The following HIVEP3 variants were observed in gnomAD, a reference collection of about 807,000 sequenced individuals.
The protein encoded by HIVEP3 is transcription factor HIVEP3.
HIVEP3 carries 49 observed loss-of-function variants against 152.8 expected under a neutral mutation model. That is an observed-to-expected ratio of 0.32 (90% CI 0.26 to 0.41). The LOEUF (loss-of-function observed/expected upper bound fraction) is 0.41. Among genes scored for constraint, HIVEP3 ranks in the 10% least tolerant of loss-of-function variants. HIVEP3 has a pLI of 1.00. For missense variants in HIVEP3, 2,790 were observed against 3,103.3 expected, an observed-to-expected ratio of 0.90 and a Z score of 2.40; for synonymous variants, 1,269 against 1,289.0, an observed-to-expected ratio of 0.98 and a Z score of 0.33.
chr1:41,760,588 T>C (rs113153450), intron 1 of HIVEP3, among the ~76,000 whole-genome samples: 2 of 152,230 alleles, frequency 1.3e-5, no homozygotes, highest in African/African-American at 4.8e-5. Flanking sequence ...AGATACTCAA[T>C]AGATACTTGC....
chr1:41,768,665 C>A (rs1258684819), intron 1 of HIVEP3, among the ~76,000 whole-genome samples: 1 of 152,214 alleles, frequency 6.6e-6, no homozygotes, highest in Non-Finnish European at 1.5e-5. Context: ...AGGAACTCTT[C>A]TCGCAGGCTG....
rs12567352 is a variant in HIVEP3, at chr1:41,665,196, A to G, written c.-721+35720T>C. Among the ~76,000 whole-genome samples the G allele has an allele frequency of 1.7e-3, 259 of 152,320 alleles. 5 individuals are homozygous for G. The East Asian group carries it at 0.048, about 28-fold the overall frequency. On this transcript the variant is annotated intron_variant, in intron 2 of 8. Transcript: ENST00000372583. ...TCAGAGAAAGAAGGTGGGGGCAGACAGCCCTGCTTCGAGGCTACCAGCCTG... is the reference window on the plus strand; with the variant it reads ...TCAGAGAAAGAAGGTGGGGGCAGACGGCCCTGCTTCGAGGCTACCAGCCTG...
At chr1:41,667,617 G>A (rs1645815250) in intron 2 of HIVEP3, among the ~76,000 whole-genome samples, 1 of 152,238 alleles carries the variant, frequency 6.6e-6, no homozygotes, top group Non-Finnish European at 1.5e-5. Flanking sequence ...TGCCCACCAA[G>A]GGAGGTGCAT....
chr1:41,889,130 A>AC (rs1326714997), intron 1 of HIVEP3, among the ~76,000 whole-genome samples: 3 of 141,018 alleles, frequency 2.1e-5, no homozygotes, highest in Non-Finnish European at 4.6e-5. Flanking sequence ...CCACACACAC[A>AC]CCCCCCACAT....
chr1:41,781,381 C>T (rs1649032413), intron 1 of HIVEP3, among the ~76,000 whole-genome samples: 1 of 152,194 alleles, frequency 6.6e-6, no homozygotes, highest in Non-Finnish European at 1.5e-5. Flanking sequence ...ATCTCCTTAC[C>T]CAGCTCCATA....
intron 1 of HIVEP3, among the ~76,000 whole-genome samples, chr1:41,972,304 G>A (rs1570856955): frequency 6.6e-6 from 1 of 152,180 alleles, no homozygotes; most frequent in South Asian, 2.1e-4. Context: ...GCCATGTGGG[G>A]CTGCCATTGC....
Position 41,510,844 on chromosome 1 carries a change from C to T in HIVEP3, c.6828G>A (p.Lys2276=). ...GGCCTCCGCCGGTCCTCTCCCTCTC[C>T]TTGGGGTAGTCCCCGCCCTCCAGCT... ...SSELEGGDYP[K]ERERTGGGPG... Residue 2276 remains lysine (K), a synonymous_variant, in exon 9 of 9, where the codon AAG becomes AAA. Transcript: ENST00000372583. The T allele has an allele frequency of 1.9e-6, 3 of 1,613,260 alleles. No individual in the cohort carries two copies. The highest frequency in any genetic ancestry group is 1.1e-5 in the South Asian group (1 of 91,086).
At position 41,561,668 on chromosome 1, in the gene HIVEP3, A is replaced by T. The variant is rs558937410; in HGVS notation, c.5207+13876T>A. On this transcript the variant is annotated intron_variant, in intron 5 of 8. Coordinates refer to ENST00000372583, the MANE Select transcript of HIVEP3 (RefSeq NM_024503.5). ...GCTGGGACTATAGGCACACACTACC[A>T]TGCCCAGCTAATTTTTTTTTTTTTT... 3.4e-5 allele frequency among the ~76,000 whole-genome samples: 5 copies of T among 147,550 alleles called. No homozygotes were observed. The South Asian group carries it at 1.1e-3, about 32-fold the overall frequency.
At chr1:41,716,716 G>A (rs918026778) in intron 1 of HIVEP3, among the ~76,000 whole-genome samples, 1 of 152,188 alleles carries the variant, frequency 6.6e-6, no homozygotes, top group African/African-American at 2.4e-5. Flanking sequence ...AGGCAGGTCT[G>A]GGTCACGGAG....
intron 5 of HIVEP3, among the ~76,000 whole-genome samples, chr1:41,541,089 T>G (rs1481069048): frequency 6.6e-6 from 1 of 151,750 alleles, no homozygotes; most frequent in Non-Finnish European, 1.5e-5. Context: ...AGGCATGGGG[T>G]GTTGATGCAT....
rs1362270293 is a variant in HIVEP3, at chr1:41,508,432, T to C, written c.*2019A>G. The C allele has an allele frequency of 2.0e-5, 3 of 152,210 alleles. No individual in the cohort carries two copies. Among genetic ancestry groups the C allele is most frequent in the African/African-American group, 7.2e-5 (3 of 41,408 alleles). 9.4% of individuals were successfully genotyped at this position (152,210 alleles called of 1,614,324 possible). A position where few individuals can be genotyped will look rare whatever the true frequency, so the allele number is the denominator to read the frequency against. On this transcript the variant is annotated 3_prime_UTR_variant, in exon 9 of 9. Coordinates refer to ENST00000372583, the MANE Select transcript of HIVEP3 (RefSeq NM_024503.5). ...GTGTGGTCCAGGCTGGGCTTGCTGC[T>C]TCTCTTGGGGAGGATGAGAGCCCTA...
chr1:41,829,513 G>T (rs1007676373), intron 1 of HIVEP3, among the ~76,000 whole-genome samples: 5 of 152,040 alleles, frequency 3.3e-5, no homozygotes, highest in African/African-American at 1.2e-4. Context: ...GGAAGTCATT[G>T]TTCTATTGCT....
rs779039207 is a variant in HIVEP3, at chr1:41,584,360, A to C, written c.438T>G (p.Pro146=). The C allele has an allele frequency of 6.2e-6, 10 of 1,613,646 alleles. No homozygotes were observed. The highest frequency in any genetic ancestry group is 3.3e-4 in the Middle Eastern group (2 of 6,078). The part of the protein sequence containing the change: ...PGLHPQSQLL[P]SHASIIPPED... ...CGGGGGGAATGATGGAAGCGTGGGA[A>C]GGAAGGAGCTGGCTCTGAGGATGGA... Residue 146 remains proline (P), a synonymous_variant, in exon 4 of 9, where the codon CCT becomes CCG. Coordinates refer to ENST00000372583, the MANE Select transcript of HIVEP3 (RefSeq NM_024503.5). The surrounding 1 kb of genome is among the most constrained non-coding windows in gnomAD (Gnocchi z 5.2).
chr1:41,569,258 G>T (rs1038426744), intron 5 of HIVEP3, among the ~76,000 whole-genome samples: 13 of 152,248 alleles, frequency 8.5e-5, no homozygotes, highest in African/African-American at 3.1e-4. Context: ...CCACTTAAAA[G>T]ACTTTAAAGA....
intron 2 of HIVEP3, among the ~76,000 whole-genome samples, chr1:41,680,608 G>T (rs1234928010): frequency 6.6e-6 from 1 of 152,206 alleles, no homozygotes; most frequent in Admixed American, 6.5e-5. Context: ...CATGGAAACT[G>T]CCCTGTGCTC....
chr1:41,702,175 G>A (rs1052018351), intron 1 of HIVEP3, among the ~76,000 whole-genome samples: 2 of 152,030 alleles, frequency 1.3e-5, no homozygotes, highest in African/African-American at 4.8e-5. Context: ...ATGGGCACCC[G>A]AGGATTATCA....
chr1:41,714,869 G>T (rs1374884599), intron 1 of HIVEP3, among the ~76,000 whole-genome samples: 1 of 152,214 alleles, frequency 6.6e-6, no homozygotes, highest in South Asian at 2.1e-4. Flanking sequence ...AATTTTAAGG[G>T]TGTGTGTGTG....
At chr1:41,674,721 C>T (rs954153820) in intron 2 of HIVEP3, among the ~76,000 whole-genome samples, 4 of 152,178 alleles carry the variant, frequency 2.6e-5, no homozygotes, top group Non-Finnish European at 4.4e-5. Flanking sequence ...CACATCCAGC[C>T]GCCTTTCCAC....
rs138107732 is a variant in HIVEP3, at chr1:41,798,814, T to C, written c.-800-97819A>G. Among the ~76,000 whole-genome samples the C allele has an allele frequency of 9.8e-5, 15 of 152,344 alleles. No individual in the cohort carries two copies. The East Asian group carries it at 2.9e-3, about 29-fold the overall frequency. On this transcript the variant is annotated intron_variant, in intron 1 of 8. Transcript: ENST00000372583. ...GAGCTCACTTTCCACATGAGCTACCTTCCTTTCTAGTGGATTTACAACCCA... is the reference window on the plus strand; with the variant it reads ...GAGCTCACTTTCCACATGAGCTACCCTCCTTTCTAGTGGATTTACAACCCA...
Sources: gnomAD v4.1 joint callset for allele counts (sites outside exome capture counted in the v4.1 genomes callset) on GRCh38, gnomAD v4.1.1 for gene constraint, Gnocchi (gnomAD v3.1) non-coding constraint, MANE v1.5 for transcripts, NCBI Gene and HGNC (gene_info 2026-07-23, HGNC 2026-07-21) for gene names.